LHX9: variants seen among roughly 807,000 people sequenced by gnomAD.
LHX9 encodes LIM homeobox 9, also known as LIM/homeobox protein Lhx9.
Under a neutral mutation model 36.5 loss-of-function variants are expected in LHX9, and 9 were observed. The ratio of observed to expected loss-of-function variants is 0.25; its 90% confidence interval spans 0.15 to 0.43. The LOEUF is 0.43. Among genes scored for constraint, LHX9 ranks in the 20% least tolerant of loss-of-function variants. The probability of loss-of-function intolerance (pLI) is 1.00; values close to 1 mark genes in which losing one functional copy is unlikely to be tolerated. For synonymous variants in LHX9, 211 were observed against 212.1 expected, an observed-to-expected ratio of 0.99 and a Z score of 0.04; for missense variants, 464 against 526.4, an observed-to-expected ratio of 0.88 and a Z score of 1.16.
chr1:197,927,346 C>A (rs951407966), intron 3 of LHX9, among the ~76,000 whole-genome samples: 1 of 152,194 alleles, frequency 6.6e-6, no homozygotes, highest in African/African-American at 2.4e-5. Context: ...AACCATTAAA[C>A]AAAAGAGAGG....
chr1:197,921,583 G>T lies in LHX9; in HGVS notation c.657G>T (p.Thr219=). The T allele has an allele frequency of 6.2e-7, 1 of 1,611,560 alleles. No homozygotes were observed. Among genetic ancestry groups the T allele is most frequent in the African/African-American group, 1.3e-5 (1 of 75,042 alleles). ...GGLALPYFNG[T]GTVQKGRPRK... ...TGGCCCTGCCTTACTTCAACGGTAC[G>T]GGCACCGTGCAGAAAGGGCGGCCCC... Residue 219 remains threonine, a synonymous_variant, in exon 3 of 5, where the codon ACG becomes ACT. Coordinates refer to ENST00000367387, the MANE Select transcript of LHX9 (RefSeq NM_020204.3). This position sits in a 1 kb window ranked among gnomAD's most constrained non-coding sequence, Gnocchi z 4.6.
intron 2 of LHX9, among the ~76,000 whole-genome samples, chr1:197,920,811 C>T (rs1343401356): frequency 6.6e-6 from 1 of 152,076 alleles, no homozygotes. Flanking sequence ...CGCTCTCAGC[C>T]CAAGCAAGAT....
Position 197,929,774 on chromosome 1 carries a change from T to A in LHX9, c.*515T>A. Reference sequence around the variant, plus strand: ...AAACTGAAAACTTGTTTTTAGTATTTCTATTTCTTACCTGAACTGTTAATT... The same window carrying A: ...AAACTGAAAACTTGTTTTTAGTATTACTATTTCTTACCTGAACTGTTAATT... On this transcript the variant is annotated 3_prime_UTR_variant, in exon 5 of 5. Coordinates refer to ENST00000367387, the MANE Select transcript of LHX9 (RefSeq NM_020204.3). 2 of 945,602 alleles carry A rather than the reference T, an allele frequency of 2.1e-6. No individual in the cohort carries two copies. Among genetic ancestry groups the A allele is most frequent in the Non-Finnish European group, 2.5e-6 (2 of 793,536 alleles). The allele number at this position is 945,602 out of a possible 1,614,324, so 58.6% of individuals were successfully genotyped here. A position where few individuals can be genotyped will look rare whatever the true frequency, so the allele number is the denominator to read the frequency against.
intron 1 of LHX9, 145 bp downstream of exon 1, chr1:197,918,142 C>T: frequency 3.5e-6 from 3 of 846,352 alleles, no homozygotes; most frequent in Non-Finnish European, 5.6e-6. Context: ...CTCCCGTCCA[C>T]CTATGCCTAC....
upstream of LHX9, chr1:197,916,492 A>G (rs904531780): frequency 1.6e-4 from 96 of 589,826 alleles, 1 homozygote; most frequent in Admixed American, 1.5e-4. Context: ...GTCGCTTCCT[A>G]TATTGGCAAG....
Position 197,929,509 on chromosome 1 carries a change from C to T in LHX9, c.*250C>T. The stretch of plus-strand genomic sequence containing the variant: ...ATTTAAAAAAATTAATTAGGTCTTT[C>T]AGTTGGTAAGGAGAGTTTTTGAATA... On this transcript the variant is annotated 3_prime_UTR_variant, in exon 5 of 5. Coordinates refer to ENST00000367387, the MANE Select transcript of LHX9 (RefSeq NM_020204.3). 1.0e-6 allele frequency: 1 copy of T among 973,682 alleles called. No individual in the cohort carries two copies. The highest frequency in any genetic ancestry group is 1.2e-6 in the Non-Finnish European group (1 of 811,568). The allele number at this position is 973,682 out of a possible 1,614,324, so 60.3% of individuals were successfully genotyped here.
chr1:197,932,149 T>C lies in LHX9; in HGVS notation c.*2890T>C. ...AACGAAACTTGTGTTCTTTATGGTGTCTAACACAACTGAAGGCCTAAAATT... is the reference window on the plus strand; with the variant it reads ...AACGAAACTTGTGTTCTTTATGGTGCCTAACACAACTGAAGGCCTAAAATT... On this transcript the variant is annotated 3_prime_UTR_variant, in exon 5 of 5. Coordinates refer to ENST00000367387, the MANE Select transcript of LHX9 (RefSeq NM_020204.3). The C allele has an allele frequency of 2.0e-6, 1 of 501,816 alleles. No homozygotes were observed. Among genetic ancestry groups the C allele is most frequent in the Non-Finnish European group, 3.5e-6 (1 of 282,126 alleles). 31.1% of individuals were successfully genotyped at this position (501,816 alleles called of 1,614,324 possible). A position where few individuals can be genotyped will look rare whatever the true frequency, so the allele number is the denominator to read the frequency against.
In LHX9 at chr1:197,917,687, C is replaced by T; in HGVS notation, c.-137C>T. On this transcript the variant is annotated 5_prime_UTR_variant, in exon 1 of 5. Coordinates refer to ENST00000367387, the MANE Select transcript of LHX9 (RefSeq NM_020204.3). ...TCGGCCCCCCAAGCAGACCGATTTC[C>T]ACTCCATCTGTTTCTTCTCCTCCTT... is the stretch of plus-strand genomic sequence containing the variant. 1.3e-6 allele frequency: 2 copies of T among 1,573,510 alleles called. No homozygotes were observed. Among genetic ancestry groups the T allele is most frequent in the Non-Finnish European group, 8.6e-7 (1 of 1,165,364 alleles).
chr1:197,917,924 T>A lies in LHX9; in HGVS notation c.101T>A (p.Met34Lys). Residue 34 changes from methionine to lysine, a missense_variant, in exon 1 of 5, where the codon ATG becomes AAG. By Grantham distance (95) the Met-to-Lys change is moderately conservative. Coordinates refer to ENST00000367387, the MANE Select transcript of LHX9 (RefSeq NM_020204.3). ...TCCGGAGGCCACATCCAAGGCATCATGGAGGAGATGGAGCGCAGATCCAAG... is the reference window on the plus strand; with the variant it reads ...TCCGGAGGCCACATCCAAGGCATCAAGGAGGAGATGGAGCGCAGATCCAAG... Reference protein sequence around the residue: ...GISGGHIQGIMEEMERRSKTE... With the variant: ...GISGGHIQGIKEEMERRSKTE... 1 of 1,614,162 alleles carries A rather than the reference T, an allele frequency of 6.2e-7. No homozygotes were observed. The highest frequency in any genetic ancestry group is 2.2e-5 in the East Asian group (1 of 44,864).
Position 197,927,309 on chromosome 1 carries a change from T to G in LHX9, c.734-282T>G, listed in dbSNP as rs74134515. ...TCACTCCCACCTTACTACTTAGGGT[T>G]TGTTCATATTCTCAAATTCTTCTAG... On this transcript the variant is annotated intron_variant, in intron 3 of 4. Coordinates refer to ENST00000367387, the MANE Select transcript of LHX9 (RefSeq NM_020204.3). Among the ~76,000 whole-genome samples the G allele has an allele frequency of 5.9e-3, 905 of 152,310 alleles. 6 individuals carry two copies. The highest frequency in any genetic ancestry group is 0.021 in the African/African-American group (869 of 41,570).
intron 1 of LHX9, chr1:197,918,773 C>T (rs1659861575): frequency 7.5e-6 from 1 of 134,138 alleles, no homozygotes; most frequent in African/African-American, 2.8e-5. Flanking sequence ...CTTATCTAAG[C>T]GCTTCCCTTT....
At chr1:197,916,568 C>A, upstream of LHX9, 1 of 663,776 alleles carries the variant, frequency 1.5e-6, no homozygotes, top group Admixed American at 2.2e-5. Flanking sequence ...AGAGAATAAG[C>A]CGCCCTATGG....
At position 197,931,104 on chromosome 1, in the gene LHX9, A is replaced by C. The variant is rs1280220187; in HGVS notation, c.*1845A>C. ...GTGCCTTATGATATAACTTGGAAGT[A>C]AGTTTGTGAAAAATCAGGATATATG... On this transcript the variant is annotated 3_prime_UTR_variant, in exon 5 of 5. Transcript: ENST00000367387. 6.6e-6 allele frequency: 1 copy of C among 152,010 alleles called. No individual in the cohort carries two copies. The highest frequency in any genetic ancestry group is 1.9e-4 in the East Asian group (1 of 5,206). 9.4% of individuals were successfully genotyped at this position (152,010 alleles called of 1,614,324 possible).
chr1:197,917,594 T>C lies in LHX9; in HGVS notation c.-230T>C. ...TTCCCTCCGCCCGAATTGTTTGTTT[T>C]CTGCACATCTCCTTCAGGGAGCCGC... On this transcript the variant is annotated 5_prime_UTR_variant, in exon 1 of 5. Transcript: ENST00000367387. 1 of 1,507,646 alleles carries C rather than the reference T, an allele frequency of 6.6e-7. No individual in the cohort carries two copies. The highest frequency in any genetic ancestry group is 8.9e-7 in the Non-Finnish European group (1 of 1,124,988). 93.4% of individuals were successfully genotyped at this position (1,507,646 alleles called of 1,614,324 possible). A position where few individuals can be genotyped will look rare whatever the true frequency, so the allele number is the denominator to read the frequency against.
upstream of LHX9, among the ~76,000 whole-genome samples, chr1:197,913,667 A>C (rs1285272057): frequency 6.6e-6 from 1 of 152,140 alleles, no homozygotes; most frequent in East Asian, 1.9e-4. Flanking sequence ...GCTGACGCTG[A>C]CGTTTCACTG....
At chr1:197,918,433 G>A (rs1659850364) in intron 1 of LHX9, 15 of 715,472 alleles carry the variant, frequency 2.1e-5, no homozygotes, top group Non-Finnish European at 3.9e-5. Flanking sequence ...TAGTCTCTGG[G>A]CCTGATGACC....
chr1:197,925,794 A>T (rs933165903), intron 3 of LHX9, among the ~76,000 whole-genome samples: 1 of 152,320 alleles, frequency 6.6e-6, no homozygotes, highest in East Asian at 1.9e-4. Context: ...TCGAATGTAT[A>T]TATCTGACTT....
At position 197,917,766 on chromosome 1, in the gene LHX9, C is replaced by G. The variant is rs1033189756; in HGVS notation, c.-58C>G. ...CGTCTCTGCGCTCCTACAGGGCAGCCCTCTCTGGTCCCTTGCCTCCTTCAC... is the reference window on the plus strand; with the variant it reads ...CGTCTCTGCGCTCCTACAGGGCAGCGCTCTCTGGTCCCTTGCCTCCTTCAC... On this transcript the variant is annotated 5_prime_UTR_variant, in exon 1 of 5. Coordinates refer to ENST00000367387, the MANE Select transcript of LHX9 (RefSeq NM_020204.3). 6.2e-6 allele frequency: 10 copies of G among 1,613,072 alleles called. No homozygotes were observed. Among genetic ancestry groups the G allele is most frequent in the Non-Finnish European group, 8.5e-6 (10 of 1,179,640 alleles).
At chr1:197,914,137 T>C (rs893850654), upstream of LHX9, among the ~76,000 whole-genome samples, 2 of 152,212 alleles carry the variant, frequency 1.3e-5, no homozygotes, top group African/African-American at 4.8e-5. Context: ...AGTAGCGGGA[T>C]GGGTGCTGTC....
Sources: gnomAD v4.1 joint callset for allele counts (sites outside exome capture counted in the v4.1 genomes callset) on GRCh38, gnomAD v4.1.1 for gene constraint, Gnocchi (gnomAD v3.1) non-coding constraint, MANE v1.5 for transcripts, NCBI Gene and HGNC (gene_info 2026-07-23, HGNC 2026-07-21) for gene names.